MAPKAPK2: variants seen among roughly 807,000 people sequenced by gnomAD.
The protein encoded by MAPKAPK2 is MAPK activated protein kinase 2, also known as MAP kinase-activated protein kinase 2.
Under a neutral mutation model 48.8 loss-of-function variants are expected in MAPKAPK2, and 9 were observed. That is an observed-to-expected ratio of 0.18 (90% CI 0.11 to 0.32). The LOEUF is 0.32. MAPKAPK2 is among the 10% of genes least tolerant of loss of function. The pLI, the probability that MAPKAPK2 is intolerant of heterozygous loss-of-function variation, is 1.00. For synonymous variants in MAPKAPK2, 202 were observed against 190.6 expected, an observed-to-expected ratio of 1.06 and a Z score of -0.49; for missense variants, 331 against 498.3, an observed-to-expected ratio of 0.66 and a Z score of 3.20.
At chr1:206,728,603 G>GT in intron 1 of MAPKAPK2, 107 bp from the exon 2 acceptor site, 1 of 1,320,298 alleles carries the variant, frequency 7.6e-7, no homozygotes, top group Non-Finnish European at 1.0e-6. Flanking sequence ...GCCAGCAGGA[G>GT]TGGGGGGTTT....
At chr1:206,708,048 C>T (rs1452628776) in intron 1 of MAPKAPK2, among the ~76,000 whole-genome samples, 2 of 152,194 alleles carry the variant, frequency 1.3e-5, no homozygotes, top group Non-Finnish European at 2.9e-5. Context: ...TCCCTTCAAC[C>T]ACAGCCAGAG....
chr1:206,720,857 T>TAGTA (rs1553431110), intron 1 of MAPKAPK2, among the ~76,000 whole-genome samples: 2 of 152,192 alleles, frequency 1.3e-5, no homozygotes, highest in African/African-American at 4.8e-5. Flanking sequence ...TGATGATACC[T>TAGTA]GAGAATCTAG....
chr1:206,697,006 C>T (rs1409925399), intron 1 of MAPKAPK2, among the ~76,000 whole-genome samples: 2 of 152,186 alleles, frequency 1.3e-5, no homozygotes, highest in African/African-American at 4.8e-5. Context: ...CTTGGATCTG[C>T]TGACTCAAGC....
At chr1:206,695,123 C>T (rs1672574841) in intron 1 of MAPKAPK2, among the ~76,000 whole-genome samples, 1 of 152,132 alleles carries the variant, frequency 6.6e-6, no homozygotes, top group Non-Finnish European at 1.5e-5. Context: ...GGGTCTCAGA[C>T]TTTCCTGACT....
Position 206,731,045 on chromosome 1 carries a change from A to G in MAPKAPK2, c.768-93A>G. ...GCCCTGATTTCTCTGTGACCTTTAC[A>G]AGGAGAAGAGCCTGTTTCTCATCCT... On this transcript the variant is annotated intron_variant, in intron 6 of 9. Coordinates refer to ENST00000367103, the MANE Select transcript of MAPKAPK2 (RefSeq NM_032960.4). The surrounding 1 kb of genome is among the most constrained non-coding windows in gnomAD (Gnocchi z 5.9). 2 of 1,528,802 alleles carry G rather than the reference A, an allele frequency of 1.3e-6. No individual in the cohort carries two copies. The highest frequency in any genetic ancestry group is 9.1e-7 in the Non-Finnish European group (1 of 1,104,502). 94.7% of individuals were successfully genotyped at this position (1,528,802 alleles called of 1,614,324 possible). A position where few individuals can be genotyped will look rare whatever the true frequency, so the allele number is the denominator to read the frequency against.
intron 1 of MAPKAPK2, among the ~76,000 whole-genome samples, chr1:206,692,856 G>A (rs1330884803): frequency 1.3e-5 from 2 of 152,210 alleles, no homozygotes; most frequent in Admixed American, 1.3e-4. Flanking sequence ...GTGGCCAGAG[G>A]CGGAAGCTAG....
chr1:206,716,900 T>G (rs782555848), intron 1 of MAPKAPK2, among the ~76,000 whole-genome samples: 9 of 152,204 alleles, frequency 5.9e-5, no homozygotes, highest in Non-Finnish European at 1.2e-4. Flanking sequence ...GTTTCCTTCC[T>G]ACCACTGTCT....
Position 206,685,270 on chromosome 1 carries a change from T to TGCCCCC in MAPKAPK2, c.41_42insGCCCCC (p.Phe14delinsLeuProPro). ...CAGGGCCAGAGCCCGCCGGTGCCGT[T>TGCCCCC]CCCCGCCCCGGCCCCGCCGCCGCAG... On this transcript the variant is annotated protein_altering_variant, in exon 1 of 10. Transcript: ENST00000367103. The TGCCCCC allele has an allele frequency of 5.5e-5, 31 of 566,960 alleles. No homozygotes were observed. The highest frequency in any genetic ancestry group is 6.2e-4 in the Middle Eastern group (1 of 1,608). The allele number at this position is 566,960 out of a possible 1,614,324, so 35.1% of individuals were successfully genotyped here.
At chr1:206,727,290 A>G (rs1318294994) in intron 1 of MAPKAPK2, among the ~76,000 whole-genome samples, 1 of 152,234 alleles carries the variant, frequency 6.6e-6, no homozygotes, top group Admixed American at 6.5e-5. Flanking sequence ...CCTCACAACA[A>G]ATCTGTGAAA....
chr1:206,693,658 A>T (rs71633597), intron 1 of MAPKAPK2, among the ~76,000 whole-genome samples: 1 of 152,216 alleles, frequency 6.6e-6, no homozygotes, highest in South Asian at 2.1e-4. Flanking sequence ...CAGAGTTACC[A>T]TAGTTATATG....
In MAPKAPK2 at chr1:206,731,504, C is replaced by A; in HGVS notation, c.893-136C>A. 9.2e-7 allele frequency: 1 copy of A among 1,082,172 alleles called. No homozygotes were observed. Among genetic ancestry groups the A allele is most frequent in the Non-Finnish European group, 1.4e-6 (1 of 717,362 alleles). 67.0% of individuals were successfully genotyped at this position (1,082,172 alleles called of 1,614,324 possible). A position where few individuals can be genotyped will look rare whatever the true frequency, so the allele number is the denominator to read the frequency against. On this transcript the variant is annotated intron_variant, in intron 7 of 9. Transcript: ENST00000367103. This position sits in a 1 kb window ranked among gnomAD's most constrained non-coding sequence, Gnocchi z 5.9. ...CTCAAGTGGTACAGCCGTAATGGTC[C>A]TTGGGGCCAGTTGCTCCGGCAGCCT... is the stretch of plus-strand genomic sequence containing the variant.
intron 1 of MAPKAPK2, among the ~76,000 whole-genome samples, chr1:206,725,128 A>G (rs1673664257): frequency 6.6e-6 from 1 of 152,252 alleles, no homozygotes; most frequent in Non-Finnish European, 1.5e-5. Context: ...GAGTTTGTGC[A>G]AGTCTGGAAG....
At chr1:206,729,148 G>A (rs1673814224) in intron 3 of MAPKAPK2, 49 bp downstream of exon 3, 2 of 1,576,036 alleles carry the variant, frequency 1.3e-6, no homozygotes, top group Non-Finnish European at 1.7e-6. Context: ...AGGGCAGTGG[G>A]GGTCTGAAGG....
intron 1 of MAPKAPK2, among the ~76,000 whole-genome samples, chr1:206,716,844 T>G (rs1673353304): frequency 6.6e-6 from 1 of 152,124 alleles, no homozygotes; most frequent in Non-Finnish European, 1.5e-5. Context: ...CTTTCTCTTC[T>G]TGCCACTTGG....
intron 1 of MAPKAPK2, among the ~76,000 whole-genome samples, chr1:206,691,722 C>T (rs1490349283): frequency 6.6e-6 from 1 of 151,902 alleles, no homozygotes; most frequent in African/African-American, 2.4e-5. Flanking sequence ...CAGGGTGAGG[C>T]AGTAGAAGGC....
Position 206,728,855 on chromosome 1 carries a change from C to T in MAPKAPK2, c.419+6C>T, listed in dbSNP as rs782219301. 9 of 1,613,894 alleles carry T rather than the reference C, an allele frequency of 5.6e-6. No homozygotes were observed. The highest frequency in any genetic ancestry group is 7.6e-6 in the Non-Finnish European group (9 of 1,179,908). ...CTGCTGATTGTCATGGAATGGTAAG[C>T]AGCCACTGTTCTAGTCCCGGCCCAG... On this transcript the variant is annotated splice_donor_region_variant and intron_variant, in intron 2 of 9. Transcript: ENST00000367103.
chr1:206,732,822 C>A lies in MAPKAPK2; in HGVS notation c.*104C>A. 1 of 1,335,328 alleles carries A rather than the reference C, an allele frequency of 7.5e-7. No homozygotes were observed. The highest frequency in any genetic ancestry group is 1.4e-5 in the South Asian group (1 of 72,924). 82.7% of individuals were successfully genotyped at this position (1,335,328 alleles called of 1,614,324 possible). A position where few individuals can be genotyped will look rare whatever the true frequency, so the allele number is the denominator to read the frequency against. On this transcript the variant is annotated 3_prime_UTR_variant, in exon 10 of 10. Coordinates refer to ENST00000367103, the MANE Select transcript of MAPKAPK2 (RefSeq NM_032960.4). This position sits in a 1 kb window ranked among gnomAD's most constrained non-coding sequence, Gnocchi z 4.4. ...CTGTCCACATCTGCCTCCTCTCCTC[C>A]TCAGCTGCATGGAGCCTGGAACTGC... is the stretch of plus-strand genomic sequence containing the variant.
At chr1:206,727,628 CT>C (rs201923240) in intron 1 of MAPKAPK2, among the ~76,000 whole-genome samples, 13 of 148,802 alleles carry the variant, frequency 8.7e-5, no homozygotes, top group Middle Eastern at 3.5e-3. Context: ...TAGCAGATTT[CT>C]TTTTTTTTTG....
intron 1 of MAPKAPK2, among the ~76,000 whole-genome samples, chr1:206,720,603 C>T (rs1051716752): frequency 1.1e-4 from 17 of 152,130 alleles, no homozygotes; most frequent in African/African-American, 3.4e-4. Flanking sequence ...AAGTAATCTG[C>T]CCCCCTTGGC....
Sources: allele counts gnomAD v4.1 joint callset (sites outside exome capture counted in the v4.1 genomes callset), GRCh38; gene constraint gnomAD v4.1.1; non-coding constraint Gnocchi (gnomAD v3.1); transcripts MANE v1.5; gene names NCBI Gene and HGNC (gene_info 2026-07-23, HGNC 2026-07-21).